NKAIN2: variants seen among roughly 807,000 people sequenced by gnomAD.
The protein encoded by NKAIN2 is sodium/potassium-transporting ATPase subunit beta-1-interacting protein 2.
Under a neutral mutation model 32.6 loss-of-function variants are expected in NKAIN2, and 14 were observed. The ratio of observed to expected loss-of-function variants is 0.43; its 90% CI spans 0.28 to 0.67. The LOEUF (loss-of-function observed/expected upper bound fraction) is 0.67, where lower values mean the gene tolerates loss of function less well. Among genes scored for constraint, NKAIN2 ranks in the 30% least tolerant of loss-of-function variants. NKAIN2 has a pLI of 0.17. For missense variants in NKAIN2, 198 were observed against 258.3 expected (o/e 0.77, Z 1.60); for synonymous variants, 80 against 87.2 (o/e 0.92, Z 0.46).
intron 3 of NKAIN2, among the ~76,000 whole-genome samples, chr6:124,629,698 A>C (rs1317133289): frequency 6.6e-6 from 1 of 152,178 alleles, no homozygotes; most frequent in Non-Finnish European, 1.5e-5. Context: ...ATGTAGAGAT[A>C]CTATAAAAAA....
intron 1 of NKAIN2, among the ~76,000 whole-genome samples, chr6:123,867,140 T>C (rs1317811974): frequency 6.6e-6 from 1 of 152,238 alleles, no homozygotes; most frequent in African/African-American, 2.4e-5. Flanking sequence ...GTCTTCAGTT[T>C]ACCTCCTGAA....
At chr6:124,032,761 A>T (rs1381586165) in intron 1 of NKAIN2, among the ~76,000 whole-genome samples, 1 of 152,106 alleles carries the variant, frequency 6.6e-6, no homozygotes, top group Non-Finnish European at 1.5e-5. Context: ...AAAAATAGAA[A>T]ACTCAAAAGC....
rs562018477 is a variant in NKAIN2, at chr6:124,791,356, C to T, written c.492C>T (p.Tyr164=). ...QIVLALAGFI[Y]ACYVVKCITE... is the part of the protein sequence containing the mutation. ...TGTTTCAGCTGGCAGGTTTCATCTA[C>T]GCCTGTTATGTTGTGAAATGTATAA... Residue 164 remains tyrosine, a synonymous_variant, in exon 5 of 7, where the codon TAC becomes TAT. Coordinates refer to ENST00000368417, the MANE Select transcript of NKAIN2 (RefSeq NM_001040214.3). The T allele has an allele frequency of 8.4e-5, 135 of 1,609,344 alleles. No homozygotes were observed. In the South Asian group the frequency reaches 8.7e-4, roughly 10 times the overall value.
chr6:124,611,261 T>G (rs1379614656), intron 3 of NKAIN2, among the ~76,000 whole-genome samples: 1 of 152,136 alleles, frequency 6.6e-6, no homozygotes, highest in Non-Finnish European at 1.5e-5. Flanking sequence ...AGACATAAAT[T>G]AAAGGTGTGG....
chr6:124,279,543 A>T (rs980208332), intron 1 of NKAIN2, among the ~76,000 whole-genome samples: 4 of 151,552 alleles, frequency 2.6e-5, no homozygotes, highest in African/African-American at 4.9e-5. Context: ...TTGTAAATAA[A>T]ATTTGTGTCT....
intron 4 of NKAIN2, among the ~76,000 whole-genome samples, chr6:124,767,869 G>T (rs761189902): frequency 6.6e-6 from 1 of 151,994 alleles, no homozygotes; most frequent in Non-Finnish European, 1.5e-5. Flanking sequence ...TGCAATCTCT[G>T]GGAGAACAGA....
chr6:124,727,417 A>G (rs1418151955), intron 4 of NKAIN2, among the ~76,000 whole-genome samples: 2 of 151,440 alleles, frequency 1.3e-5, no homozygotes, highest in African/African-American at 2.4e-5. Context: ...ATTCTTAAAG[A>G]AAAGAATTTT....
intron 1 of NKAIN2, among the ~76,000 whole-genome samples, chr6:124,088,497 T>C (rs1159611579): frequency 6.6e-6 from 1 of 152,048 alleles, no homozygotes; most frequent in Non-Finnish European, 1.5e-5. Context: ...TCTTTATCAG[T>C]CACTTGTTAA....
chr6:124,160,482 T>C (rs551746134), intron 1 of NKAIN2, among the ~76,000 whole-genome samples: 2 of 152,306 alleles, frequency 1.3e-5, no homozygotes, highest in South Asian at 4.1e-4. Context: ...TATGTATATA[T>C]AGATGTATAT....
intron 5 of NKAIN2, among the ~76,000 whole-genome samples, chr6:124,810,470 C>G (rs983855136): frequency 6.6e-6 from 1 of 151,746 alleles, no homozygotes; most frequent in South Asian, 2.1e-4. Context: ...ACATCACACT[C>G]TGAGGACTGT....
chr6:124,767,043 C>T (rs1778544778), intron 4 of NKAIN2, among the ~76,000 whole-genome samples: 2 of 152,096 alleles, frequency 1.3e-5, no homozygotes, highest in East Asian at 1.9e-4. Context: ...TATAGGCATC[C>T]GCCATCACGC....
chr6:124,122,538 G>A (rs1437569383), intron 1 of NKAIN2, among the ~76,000 whole-genome samples: 3 of 152,102 alleles, frequency 2.0e-5, no homozygotes, highest in African/African-American at 7.2e-5. Context: ...TTTGTAACTT[G>A]TCACTGCATT....
chr6:124,731,985 A>C (rs1776702580), intron 4 of NKAIN2, among the ~76,000 whole-genome samples: 1 of 152,130 alleles, frequency 6.6e-6, no homozygotes, highest in Non-Finnish European at 1.5e-5. Flanking sequence ...AATATAATAA[A>C]TGGATCTCAG....
chr6:124,024,589 C>G (rs1781019986), intron 1 of NKAIN2, among the ~76,000 whole-genome samples: 1 of 151,594 alleles, frequency 6.6e-6, no homozygotes, highest in Admixed American at 6.6e-5. Context: ...CTTAAATTAT[C>G]AGTTTTAGAT....
intron 3 of NKAIN2, among the ~76,000 whole-genome samples, chr6:124,567,998 G>T (rs1780984917): frequency 6.6e-6 from 1 of 152,114 alleles, no homozygotes. Flanking sequence ...AGTCATTTGA[G>T]CTCTGGAGCC....
At chr6:124,774,629 G>A (rs1393276819) in intron 4 of NKAIN2, among the ~76,000 whole-genome samples, 1 of 152,104 alleles carries the variant, frequency 6.6e-6, no homozygotes, top group Non-Finnish European at 1.5e-5. Context: ...ACTGAGGCAG[G>A]CAGACCACCC....
chr6:123,965,242 A>G (rs377038099), intron 1 of NKAIN2, among the ~76,000 whole-genome samples: 83 of 152,300 alleles, frequency 5.4e-4, no homozygotes, highest in African/African-American at 1.9e-3. Context: ...GCCAGAAATC[A>G]ACGCTGGACT....
intron 2 of NKAIN2, among the ~76,000 whole-genome samples, chr6:124,306,549 G>A (rs1389448428): frequency 6.6e-6 from 1 of 152,104 alleles, no homozygotes; most frequent in Admixed American, 6.6e-5. Context: ...TCATGACTCA[G>A]TACTTCTATT....
intron 1 of NKAIN2, among the ~76,000 whole-genome samples, chr6:124,141,613 A>G (rs1787143985): frequency 6.6e-6 from 1 of 151,888 alleles, no homozygotes; most frequent in Admixed American, 6.6e-5. Flanking sequence ...CTCTCCTATG[A>G]AACTTCTGGG....
Sources: allele counts gnomAD v4.1 joint callset (sites outside exome capture counted in the v4.1 genomes callset), GRCh38; gene constraint gnomAD v4.1.1; transcripts MANE v1.5; gene names NCBI Gene and HGNC (gene_info 2026-07-23, HGNC 2026-07-21).